The following DYRK1B variants were observed in gnomAD, a reference collection of about 807,000 sequenced individuals.
The protein encoded by DYRK1B is dual specificity tyrosine phosphorylation regulated kinase 1B.
A neutral mutation model predicts 57.1 loss-of-function variants in DYRK1B; 20 were observed. That is an observed-to-expected ratio of 0.35 (90% confidence interval 0.25 to 0.51). DYRK1B has a LOEUF of 0.51. DYRK1B is among the 20% of genes least tolerant of loss of function. The pLI, the probability that DYRK1B is intolerant of heterozygous loss-of-function variation, is 0.96. For synonymous variants in DYRK1B, 409 were observed against 384.7 expected, an observed-to-expected ratio of 1.06 and a Z score of -0.74; for missense variants, 732 against 886.3, an observed-to-expected ratio of 0.83 and a Z score of 2.21.
At position 39,828,341 on chromosome 19, in the gene DYRK1B, T is replaced by C. The variant is rs1417395583; in HGVS notation, c.763A>G (p.Ile255Val). The change falls in exon 6 of 11, where the codon ATC becomes GTC. Residue 255 changes from isoleucine (I) to valine (V), a missense_variant. Transcript: ENST00000323039. This position sits in a 1 kb window ranked among gnomAD's most constrained non-coding sequence, Gnocchi z 4.3. ...ILLCNPKRSA[I>V]KIVDFGSSCQ... ...GAGCTGCCGAAGTCCACAATCTTGA[T>C]GGCGCTGCGCTTGGGGTTGCACAGC... 1 of 1,614,060 alleles carries C rather than the reference T, an allele frequency of 6.2e-7. No homozygotes were observed. The highest frequency in any genetic ancestry group is 1.7e-5 in the Admixed American group (1 of 60,002).
chr19:39,828,415 G>A lies in DYRK1B; in HGVS notation c.689C>T (p.Thr230Met), dbSNP rs1399607598. ...GCAGTGAATGATGCTGAGCTCAGGC[G>A]TGGCCAGAAAGAGCAGTGCCGTGCA... The part of the protein sequence containing the change: ...QLCTALLFLA[T>M]PELSIIHCDL... Residue 230 changes from threonine to methionine, a missense_variant, in exon 6 of 11, where the codon ACG (threonine) becomes ATG (methionine). By Grantham distance (81) the Thr-to-Met change is moderately conservative (BLOSUM62 -1). Transcript: ENST00000323039. This position sits in a 1 kb window ranked among gnomAD's most constrained non-coding sequence, Gnocchi z 4.3. 13 of 1,614,038 alleles carry A rather than the reference G, an allele frequency of 8.1e-6. No homozygotes were observed. Among genetic ancestry groups the A allele is most frequent in the South Asian group, 3.3e-5 (3 of 91,026 alleles).
At chr19:39,827,176 G>T in intron 8 of DYRK1B, 109 bp downstream of exon 8, 1 of 1,394,852 alleles carries the variant, frequency 7.2e-7, no homozygotes, top group Non-Finnish European at 9.7e-7. Context: ...CAGACAAGGG[G>T]GAGTGGAAGG....
At chr19:39,832,859 GAGA>G (rs922178362) in intron 1 of DYRK1B, 47 of 940,344 alleles carry the variant, frequency 5.0e-5, no homozygotes, top group African/African-American at 8.9e-5. Context: ...CTCCTGATGG[GAGA>G]AGGAGGAGGT....
Position 39,825,563 on chromosome 19 carries a change from C to T in DYRK1B, c.*152G>A, listed in dbSNP as rs1968487291. ...GGAGCGGCCAAAACCCTCTCCTTGA[C>T]CCCCCTGCCCCAGGCCCCAATCAGT... is the stretch of plus-strand genomic sequence containing the variant. On this transcript the variant is annotated 3_prime_UTR_variant, in exon 11 of 11. Coordinates refer to ENST00000323039, the MANE Select transcript of DYRK1B (RefSeq NM_004714.3). The T allele has an allele frequency of 2.6e-6, 2 of 763,896 alleles. No individual in the cohort carries two copies. The highest frequency in any genetic ancestry group is 1.8e-5 in the African/African-American group (1 of 56,488). 47.3% of individuals were successfully genotyped at this position (763,896 alleles called of 1,614,324 possible).
rs1298976951 is a variant in DYRK1B, at chr19:39,830,470, C to A, written c.277G>T (p.Asp93Tyr). ...KEKKVLNHGY[D>Y]DDNHDYIVRS... ...ACGATGTAGTCATGGTTGTCGTCAT[C>A]ATAACCATGGTTCAGGACCTTCTTC... Residue 93 changes from aspartate (D) to tyrosine (Y), a missense_variant, in exon 4 of 11, where the codon GAT (aspartate) becomes TAT (tyrosine). Asp to Tyr is a radical substitution (Grantham distance 160). Coordinates refer to ENST00000323039, the MANE Select transcript of DYRK1B (RefSeq NM_004714.3). The A allele has an allele frequency of 6.2e-7, 1 of 1,614,236 alleles. No individual in the cohort carries two copies. The highest frequency in any genetic ancestry group is 8.5e-7 in the Non-Finnish European group (1 of 1,180,044).
rs774998571 is a variant in DYRK1B, at chr19:39,830,711, G to A, written c.136C>T (p.Arg46Cys). ...TTGATGAGGTCCACAGAGAGCTTAC[G>A]CAGCGGGGCTGAGGTTGCATCCCGG... is the stretch of plus-strand genomic sequence containing the variant. ...AFRDATSAPL[R>C]KLSVDLIKTY... The change falls in exon 3 of 11, where the codon CGT (arginine) becomes TGT (cysteine). Residue 46 changes from arginine (R) to cysteine (C), a missense_variant. Arg to Cys is a radical substitution (Grantham distance 180). Around this residue, in one of 2 missense-constraint regions of DYRK1B, gnomAD observed 510 missense variants for 681.3 expected, o/e 0.75. Transcript: ENST00000323039. 10 of 1,614,064 alleles carry A rather than the reference G, an allele frequency of 6.2e-6. No homozygotes were observed. The highest frequency in any genetic ancestry group is 2.2e-5 in the East Asian group (1 of 44,900).
chr19:39,832,438 G>A (rs1168750617), intron 1 of DYRK1B, among the ~76,000 whole-genome samples: 4 of 152,082 alleles, frequency 2.6e-5, no homozygotes, highest in African/African-American at 4.8e-5. Flanking sequence ...ATCTCAGCCC[G>A]TAGCACAGCC....
In DYRK1B at chr19:39,825,965, C is replaced by T. The variant is rs375200082; in HGVS notation, c.1640G>A (p.Arg547Gln). Reference protein sequence around the residue: ...GTGAQLPPQPRYLGRPPSPTS... With the variant: ...GTGAQLPPQPQYLGRPPSPTS... Reference sequence around the variant, plus strand: ...TGGTGATGGGGGACGACCAAGGTATCGGGGCTGGGGGGGTAACTGGGCCCC... The same window carrying T: ...TGGTGATGGGGGACGACCAAGGTATTGGGGCTGGGGGGGTAACTGGGCCCC... Residue 547 changes from arginine to glutamine, a missense_variant, in exon 11 of 11, where the codon CGA becomes CAA. Coordinates refer to ENST00000323039, the MANE Select transcript of DYRK1B (RefSeq NM_004714.3). 1.3e-5 allele frequency: 19 copies of T among 1,486,072 alleles called. No individual in the cohort carries two copies. Among genetic ancestry groups the T allele is most frequent in the Admixed American group, 9.2e-5 (4 of 43,340 alleles). 92.1% of individuals were successfully genotyped at this position (1,486,072 alleles called of 1,614,324 possible).
At position 39,826,302 on chromosome 19, in the gene DYRK1B, A is replaced by T; in HGVS notation, c.1412-16T>A. 6.4e-7 allele frequency: 1 copy of T among 1,554,870 alleles called. No homozygotes were observed. Among genetic ancestry groups the T allele is most frequent in the Non-Finnish European group, 8.7e-7 (1 of 1,154,724 alleles). The stretch of plus-strand genomic sequence containing the variant: ...CTGGAGCCTCCTGGAAGTGCCAGGG[A>T]GGAGAGGTGAAGGGGCATAAGGTGA... On this transcript the variant is annotated splice_polypyrimidine_tract_variant and intron_variant, in intron 9 of 10. Transcript: ENST00000323039. The surrounding 1 kb of genome is among the most constrained non-coding windows in gnomAD (Gnocchi z 6.3).
intron 8 of DYRK1B, 101 bp downstream of exon 8, chr19:39,827,184 A>AG: frequency 7.0e-7 from 1 of 1,434,050 alleles, no homozygotes; most frequent in South Asian, 1.4e-5. Flanking sequence ...GGGGAGTGGA[A>AG]GGAAGGGAAA....
At chr19:39,829,167 G>GTT (rs34974924) in intron 5 of DYRK1B, among the ~76,000 whole-genome samples, 201 of 149,132 alleles carry the variant, frequency 1.3e-3, no homozygotes, top group African/African-American at 4.6e-3. Context: ...TCCTTTCTTC[G>GTT]TTTTTTTTTG....
chr19:39,827,014 G>GGGGGGGGGGGGC, intron 8 of DYRK1B, 27 bp from the exon 9 acceptor site: 13 of 419,542 alleles, frequency 3.1e-5, no homozygotes, highest in Non-Finnish European at 5.2e-5. Context: ...GGGAGGGGGG[G>GGGGGGGGGGGGC]CAAGAGAGTG....
chr19:39,832,520 C>T (rs930697897), intron 1 of DYRK1B, among the ~76,000 whole-genome samples: 1 of 152,088 alleles, frequency 6.6e-6, no homozygotes, highest in African/African-American at 2.4e-5. Context: ...ATTCCCAAAC[C>T]ACATGAGTCT....
chr19:39,834,161 A>C lies in DYRK1B; in HGVS notation c.-240T>G. 3.7e-6 allele frequency: 1 copy of C among 269,212 alleles called. No individual in the cohort carries two copies. 16.7% of individuals were successfully genotyped at this position (269,212 alleles called of 1,614,324 possible). A position where few individuals can be genotyped will look rare whatever the true frequency, so the allele number is the denominator to read the frequency against. ...TGCAACCAGCAAAATGGCGACCACA[A>C]CAAACCGGCCCCCCCACGCCCTGGA... On this transcript the variant is annotated 5_prime_UTR_variant, in exon 1 of 11. Coordinates refer to ENST00000323039, the MANE Select transcript of DYRK1B (RefSeq NM_004714.3).
At position 39,825,787 on chromosome 19, in the gene DYRK1B, A is replaced by G; in HGVS notation, c.1818T>C (p.Pro606=). Residue 606 remains proline (P), a synonymous_variant, in exon 11 of 11, where the codon CCT becomes CCC. Coordinates refer to ENST00000323039, the MANE Select transcript of DYRK1B (RefSeq NM_004714.3). ...MTGGRPPLPP[P]DDPATLGPHL... ...GAGGCCCCAGAGTGGCAGGGTCATC[A>G]GGAGGCGGGAGGGGTGGACGACCTC... 6.4e-7 allele frequency: 1 copy of G among 1,573,128 alleles called. No individual in the cohort carries two copies. The highest frequency in any genetic ancestry group is 1.1e-5 in the South Asian group (1 of 87,186).
chr19:39,833,937 G>A (rs895840078), intron 1 of DYRK1B, 86 bp downstream of exon 1: 1 of 152,890 alleles, frequency 6.5e-6, no homozygotes, highest in Non-Finnish European at 1.5e-5. Context: ...CTCGTGCTAA[G>A]TCTCACGGCG....
chr19:39,828,543 G>A lies in DYRK1B; in HGVS notation c.561C>T (p.Cys187=). ...KRHFMFRNHL[C]LVFELLSYNL... ...TGTAGGACAGCAGCTCAAATACCAG[G>A]CACAGGTGGTTCCGGAACATGAAGT... is the stretch of plus-strand genomic sequence containing the variant. The change falls in exon 6 of 11, where the codon TGC becomes TGT. Residue 187 remains cysteine, a synonymous_variant. Coordinates refer to ENST00000323039, the MANE Select transcript of DYRK1B (RefSeq NM_004714.3). The surrounding 1 kb of genome is among the most constrained non-coding windows in gnomAD (Gnocchi z 4.3). The A allele has an allele frequency of 6.2e-7, 1 of 1,611,818 alleles. No individual in the cohort carries two copies. The highest frequency in any genetic ancestry group is 8.5e-7 in the Non-Finnish European group (1 of 1,178,306).
chr19:39,827,494 C>G lies in DYRK1B; in HGVS notation c.954+16G>C, dbSNP rs200890564. ...CACCCCCTCCACCTCCAGCACACCC[C>G]TTCCTGGGGGCACACCTCATTGGAG... is the stretch of plus-strand genomic sequence containing the variant. On this transcript the variant is annotated intron_variant, in intron 7 of 10. Coordinates refer to ENST00000323039, the MANE Select transcript of DYRK1B (RefSeq NM_004714.3). 293 of 1,611,936 alleles carry G rather than the reference C, an allele frequency of 1.8e-4. No individual in the cohort carries two copies. Among genetic ancestry groups the G allele is most frequent in the Non-Finnish European group, 2.4e-4 (282 of 1,178,422 alleles).
Position 39,827,520 on chromosome 19 carries a change from C to T in DYRK1B, c.944G>A (p.Gly315Asp). 6.2e-7 allele frequency: 1 copy of T among 1,613,898 alleles called. No individual in the cohort carries two copies. Among genetic ancestry groups the T allele is most frequent in the Non-Finnish European group, 8.5e-7 (1 of 1,179,892 alleles). ...EMHTGEPLFS[G>D]SNEVDQMNRI... is the part of the protein sequence containing the mutation. ...TTCCTGGGGGCACACCTCATTGGAG[C>T]CACTGAAGAGGGGCTCTCCGGTGTG... is the stretch of plus-strand genomic sequence containing the variant. The change falls in exon 7 of 11, where the codon GGC becomes GAC. Residue 315 changes from glycine to aspartate, a missense_variant. Transcript: ENST00000323039.
Sources: gnomAD v4.1 joint callset for allele counts (sites outside exome capture counted in the v4.1 genomes callset) on GRCh38, gnomAD v4.1.1 for gene constraint, gnomAD v4.1.1 regional missense constraint, Gnocchi (gnomAD v3.1) non-coding constraint, MANE v1.5 for transcripts, NCBI Gene and HGNC (gene_info 2026-07-23, HGNC 2026-07-21) for gene names.